GRIP1: variants seen among roughly 807,000 people sequenced by gnomAD.
GRIP1 encodes glutamate receptor interacting protein 1.
A neutral mutation model predicts 129.9 loss-of-function variants in GRIP1; 45 were observed. That is an observed-to-expected ratio of 0.35 (90% CI 0.27 to 0.44). The LOEUF is 0.44. GRIP1 is among the 20% of genes least tolerant of loss of function. The pLI is 1.00. For missense variants in GRIP1, 1,196 were observed against 1,396.8 expected, an observed-to-expected ratio of 0.86 and a Z score of 2.29; for synonymous variants, 530 against 520.8, an observed-to-expected ratio of 1.02 and a Z score of -0.24.
At chr12:66,679,843 C>T (rs1441571275), upstream of GRIP1, among the ~76,000 whole-genome samples, 7 of 152,344 alleles carry the variant, frequency 4.6e-5, no homozygotes, top group African/African-American at 1.4e-4. Context: ...GCAAATAAAA[C>T]GGTCTTGCGA....
chr12:66,889,472 AAAT>A (rs1373813449), intron 1 of GRIP1, among the ~76,000 whole-genome samples: 1 of 152,180 alleles, frequency 6.6e-6, no homozygotes, highest in Non-Finnish European at 1.5e-5. Flanking sequence ...AAAAACAACA[AAAT>A]AATAATAATT....
chr12:66,871,241 C>CT (rs1366364702), intron 1 of GRIP1, among the ~76,000 whole-genome samples: 5 of 152,058 alleles, frequency 3.3e-5, no homozygotes, highest in Non-Finnish European at 5.9e-5. Context: ...CCTGTTTCTA[C>CT]TTTTTCAAAC....
chr12:67,056,188 C>T (rs933202578), intron 1 of GRIP1, among the ~76,000 whole-genome samples: 1 of 152,172 alleles, frequency 6.6e-6, no homozygotes, highest in Non-Finnish European at 1.5e-5. Flanking sequence ...CTTTTAAGAA[C>T]CATTTCATTT....
intron 1 of GRIP1, among the ~76,000 whole-genome samples, chr12:66,851,064 C>A (rs1054223899): frequency 2.0e-5 from 3 of 150,866 alleles, no homozygotes; most frequent in African/African-American, 7.3e-5. Context: ...AAATAGTAGG[C>A]GCTGAATAAA....
At chr12:66,653,175 C>T (rs1231820612) in intron 1 of GRIP1, among the ~76,000 whole-genome samples, 2 of 152,136 alleles carry the variant, frequency 1.3e-5, no homozygotes, top group Non-Finnish European at 2.9e-5. Flanking sequence ...TTTCTACATA[C>T]AATTTTCACT....
At chr12:67,052,227 G>T (rs2043358031) in intron 1 of GRIP1, among the ~76,000 whole-genome samples, 1 of 152,042 alleles carries the variant, frequency 6.6e-6, no homozygotes, top group Non-Finnish European at 1.5e-5. Flanking sequence ...TGAGAAACTG[G>T]CAAATGTCCC....
chr12:66,445,692 T>C (rs984754953), intron 11 of GRIP1, among the ~76,000 whole-genome samples, 184 bp from the exon 12 acceptor site: 6 of 152,204 alleles, frequency 3.9e-5, no homozygotes, highest in African/African-American at 1.4e-4. Context: ...ATCACAATTC[T>C]ATAATAACAT....
chr12:66,660,959 C>A lies in GRIP1; in HGVS notation c.55+17891G>T, dbSNP rs181979330. Among the ~76,000 whole-genome samples, 7 of 151,804 alleles carry A rather than the reference C, an allele frequency of 4.6e-5. No individual in the cohort carries two copies. In the East Asian group the frequency reaches 1.4e-3, roughly 29 times the overall value. The stretch of plus-strand genomic sequence containing the variant: ...ACAAATATATATTATACAAATATAT[C>A]ATCTTATCTTTCTAGGATATAAATA... On this transcript the variant is annotated intron_variant, in intron 1 of 24. Coordinates refer to ENST00000359742, the MANE Select transcript of GRIP1 (RefSeq NM_001366722.1).
intron 1 of GRIP1, among the ~76,000 whole-genome samples, chr12:66,887,956 A>G (rs2040593139): frequency 1.3e-5 from 2 of 152,224 alleles, no homozygotes. Flanking sequence ...TAGGCTTCAA[A>G]AAGCTTTTAA....
At chr12:66,671,670 C>A (rs2034088310) in intron 1 of GRIP1, among the ~76,000 whole-genome samples, 1 of 152,192 alleles carries the variant, frequency 6.6e-6, no homozygotes, top group African/African-American at 2.4e-5. Flanking sequence ...ACTTACAAAA[C>A]AGAAGGGCTG....
chr12:66,742,717 G>C (rs1323247995), intron 1 of GRIP1, among the ~76,000 whole-genome samples: 1 of 152,094 alleles, frequency 6.6e-6, no homozygotes, highest in African/African-American at 2.4e-5. Flanking sequence ...GGAAGTGGCT[G>C]CTCCTTCCCT....
At chr12:67,038,786 C>G (rs2043134850) in intron 1 of GRIP1, among the ~76,000 whole-genome samples, 1 of 152,248 alleles carries the variant, frequency 6.6e-6, no homozygotes, top group East Asian at 1.9e-4. Flanking sequence ...AATTTTTCCC[C>G]TCATAATTAG....
intron 1 of GRIP1, among the ~76,000 whole-genome samples, chr12:67,012,410 T>A (rs1009875422): frequency 6.6e-6 from 1 of 152,148 alleles, no homozygotes; most frequent in African/African-American, 2.4e-5. Context: ...AGATCCATCT[T>A]CCAGGAGTGT....
At chr12:66,354,561 C>G (rs2054389403) in intron 23 of GRIP1, among the ~76,000 whole-genome samples, 1 of 152,126 alleles carries the variant, frequency 6.6e-6, no homozygotes, top group Non-Finnish European at 1.5e-5. Flanking sequence ...ACGGGTTTTA[C>G]CAAGTTGTGC....
chr12:66,585,427 T>C (rs1260456259), intron 2 of GRIP1, among the ~76,000 whole-genome samples: 3 of 136,128 alleles, frequency 2.2e-5, no homozygotes, highest in African/African-American at 5.4e-5. Context: ...ACAAAGGACA[T>C]GAACTCATCA....
intron 1 of GRIP1, among the ~76,000 whole-genome samples, chr12:66,981,328 A>C (rs1338681102): frequency 6.6e-6 from 1 of 152,122 alleles, no homozygotes; most frequent in Admixed American, 6.6e-5. Context: ...CTCTTTTCTC[A>C]TTGTAAATTC....
intron 1 of GRIP1, among the ~76,000 whole-genome samples, chr12:66,617,017 C>A (rs1282023646): frequency 6.6e-6 from 1 of 151,270 alleles, no homozygotes; most frequent in Non-Finnish European, 1.5e-5. Flanking sequence ...AGAGGGAAGG[C>A]ACAGGAGAAA....
chr12:66,598,151 G>T (rs1162930109), intron 1 of GRIP1, among the ~76,000 whole-genome samples: 2 of 152,136 alleles, frequency 1.3e-5, no homozygotes, highest in East Asian at 3.8e-4. Context: ...TATCATCTGA[G>T]AATATTAATT....
intron 13 of GRIP1, among the ~76,000 whole-genome samples, chr12:66,441,501 TA>T (rs1461321204): frequency 6.6e-6 from 1 of 152,136 alleles, no homozygotes; most frequent in Admixed American, 6.5e-5. Flanking sequence ...GGCTCCAGGG[TA>T]ATGCCTGCAC....
Sources: allele counts gnomAD v4.1 joint callset (sites outside exome capture counted in the v4.1 genomes callset), GRCh38; gene constraint gnomAD v4.1.1; transcripts MANE v1.5; gene names NCBI Gene and HGNC (gene_info 2026-07-23, HGNC 2026-07-21).